CTNND2: variants seen among roughly 807,000 people sequenced by gnomAD.
CTNND2 encodes the protein catenin delta 2, also known as catenin delta-2.
A neutral mutation model predicts 144.4 loss-of-function variants in CTNND2; 22 were observed. The ratio of observed to expected loss-of-function variants is 0.15; its 90% CI spans 0.11 to 0.22. CTNND2 has a LOEUF of 0.22. CTNND2 is among the 10% of genes least tolerant of loss of function. The pLI is 1.00. For synonymous variants in CTNND2, 751 were observed against 695.6 expected (o/e 1.08, Z -1.25); for missense variants, 1,353 against 1,618.8 (o/e 0.84, Z 2.82).
At chr5:11,893,127 C>A (rs776704691) in intron 1 of CTNND2, among the ~76,000 whole-genome samples, 1 of 152,172 alleles carries the variant, frequency 6.6e-6, no homozygotes, top group Non-Finnish European at 1.5e-5. Context: ...CATATAAACT[C>A]ATATTATTAC....
chr5:11,081,443 G>GTGTTTTCGGATTTTAGA (rs2149633068), intron 16 of CTNND2, among the ~76,000 whole-genome samples: 1 of 152,316 alleles, frequency 6.6e-6, no homozygotes, highest in East Asian at 1.9e-4. Flanking sequence ...AGGACCAGAA[G>GTGTTTTCGGATTTTAGA]TGTTTTCGGA....
intron 1 of CTNND2, among the ~76,000 whole-genome samples, chr5:11,860,106 T>A (rs557881490): frequency 6.6e-6 from 1 of 152,364 alleles, no homozygotes; most frequent in South Asian, 2.1e-4. Context: ...AAGGTTCAAT[T>A]GGTTTATGCT....
At chr5:11,814,022 T>A (rs943925490) in intron 1 of CTNND2, among the ~76,000 whole-genome samples, 2 of 152,244 alleles carry the variant, frequency 1.3e-5, no homozygotes, top group Non-Finnish European at 2.9e-5. Context: ...GCTATTATTT[T>A]AATTTAGATG....
intron 17 of CTNND2, among the ~76,000 whole-genome samples, chr5:11,021,689 A>G (rs1312038887): frequency 1.3e-5 from 2 of 152,170 alleles, no homozygotes; most frequent in African/African-American, 2.4e-5. Context: ...CGAATCTTCT[A>G]TAATACATTG....
At chr5:11,851,861 G>A (rs1003075097) in intron 1 of CTNND2, among the ~76,000 whole-genome samples, 3 of 152,236 alleles carry the variant, frequency 2.0e-5, no homozygotes, top group Non-Finnish European at 2.9e-5. Flanking sequence ...TTAATCAGCA[G>A]TTAGGGCAGA....
At chr5:11,424,472 T>TAC (rs1412474588) in intron 3 of CTNND2, among the ~76,000 whole-genome samples, 1 of 141,648 alleles carries the variant, frequency 7.1e-6, no homozygotes, top group African/African-American at 2.9e-5. Context: ...CACACACACA[T>TAC]ACACATACAC....
At chr5:11,432,705 T>A (rs140183088) in intron 3 of CTNND2, among the ~76,000 whole-genome samples, 2 of 151,922 alleles carry the variant, frequency 1.3e-5, no homozygotes, top group East Asian at 3.9e-4. Context: ...AAGAAAAAAA[T>A]TATAAGGAAA....
intron 3 of CTNND2, among the ~76,000 whole-genome samples, chr5:11,493,724 A>G (rs1769670670): frequency 6.6e-6 from 1 of 152,206 alleles, no homozygotes; most frequent in Non-Finnish European, 1.5e-5. Flanking sequence ...GTTAAATTCC[A>G]TTTAGCAGAA....
At chr5:11,052,757 G>C (rs1384545066) in intron 16 of CTNND2, among the ~76,000 whole-genome samples, 1 of 152,034 alleles carries the variant, frequency 6.6e-6, no homozygotes, top group African/African-American at 2.4e-5. Context: ...CGGCGGCCCT[G>C]GGCACCATGG....
intron 14 of CTNND2, among the ~76,000 whole-genome samples, chr5:11,108,888 A>G (rs1248673702): frequency 6.6e-6 from 1 of 152,172 alleles, no homozygotes; most frequent in African/African-American, 2.4e-5. Flanking sequence ...GTGAAAACAA[A>G]CCAAAAAATG....
chr5:11,428,456 G>C (rs1356835220), intron 3 of CTNND2, among the ~76,000 whole-genome samples: 1 of 152,182 alleles, frequency 6.6e-6, no homozygotes, highest in Non-Finnish European at 1.5e-5. Flanking sequence ...GGCCAACTGA[G>C]TGAGGCTCTG....
At chr5:11,729,976 T>G (rs1787246649) in intron 2 of CTNND2, among the ~76,000 whole-genome samples, 2 of 152,168 alleles carry the variant, frequency 1.3e-5, no homozygotes, top group South Asian at 4.1e-4. Context: ...CTTGCTTGCA[T>G]CTTTCTTCTG....
intron 3 of CTNND2, among the ~76,000 whole-genome samples, chr5:11,492,438 T>C (rs2149995275): frequency 6.6e-6 from 1 of 152,188 alleles, no homozygotes; most frequent in South Asian, 2.1e-4. Context: ...TATCTGTACA[T>C]ATGTCTATAT....
chr5:11,528,919 T>C (rs1773498807), intron 3 of CTNND2, among the ~76,000 whole-genome samples: 1 of 152,166 alleles, frequency 6.6e-6, no homozygotes, highest in Non-Finnish European at 1.5e-5. Context: ...GGCTGGGCAA[T>C]TCATGTTGTC....
rs190588564 is a variant in CTNND2, at chr5:11,187,500, C to T, written c.1975+11948G>A. Among the ~76,000 whole-genome samples, 36 of 152,256 alleles carry T rather than the reference C, an allele frequency of 2.4e-4. 1 individual carries two copies. Among genetic ancestry groups the T allele is most frequent in the South Asian group, 4.2e-4 (2 of 4,818 alleles). On this transcript the variant is annotated intron_variant, in intron 11 of 21. Coordinates refer to ENST00000304623, the MANE Select transcript of CTNND2 (RefSeq NM_001332.4). ...ATGTAAAACCCAAAACTATAAAAAA[C>T]CCTAGAAGAAAACCTAGGCAATACC...
At chr5:11,004,959 G>A (rs2149517257) in intron 18 of CTNND2, among the ~76,000 whole-genome samples, 1 of 152,216 alleles carries the variant, frequency 6.6e-6, no homozygotes, top group African/African-American at 2.4e-5. Flanking sequence ...TGGTTGTTGA[G>A]GGGAAGATGA....
At chr5:11,093,288 C>A (rs545362087) in intron 15 of CTNND2, among the ~76,000 whole-genome samples, 1 of 152,068 alleles carries the variant, frequency 6.6e-6, no homozygotes, top group Non-Finnish European at 1.5e-5. Flanking sequence ...AATCCATAAA[C>A]GGGAGTTAAA....
intron 2 of CTNND2, among the ~76,000 whole-genome samples, chr5:11,627,810 T>C (rs1440392863): frequency 2.7e-5 from 4 of 150,324 alleles, no homozygotes; most frequent in African/African-American, 9.8e-5. Flanking sequence ...CCTGAGCCTG[T>C]TTTCTGGCAA....
chr5:11,344,438 C>G (rs952295171), intron 9 of CTNND2, among the ~76,000 whole-genome samples: 1 of 152,044 alleles, frequency 6.6e-6, no homozygotes, highest in African/African-American at 2.4e-5. Flanking sequence ...TTAAGAAAAC[C>G]CGACAAGAAA....
Sources: gnomAD v4.1 joint callset for allele counts (sites outside exome capture counted in the v4.1 genomes callset) on GRCh38, gnomAD v4.1.1 for gene constraint, MANE v1.5 for transcripts, NCBI Gene and HGNC (gene_info 2026-07-23, HGNC 2026-07-21) for gene names.